WWOX: variants seen among roughly 807,000 people sequenced by gnomAD.
The protein encoded by WWOX is WW domain-containing oxidoreductase.
In WWOX, 69 loss-of-function variants were observed where a neutral mutation model predicts 46.2. That is an observed-to-expected ratio of 1.49 (90% CI 1.23 to 1.82). The LOEUF (loss-of-function observed/expected upper bound fraction) is 1.82. WWOX is among the 40% of genes most tolerant of loss of function. The pLI, the probability that WWOX is intolerant of heterozygous loss-of-function variation, is 0.00. For synonymous variants in WWOX, 359 were observed against 202.6 expected (o/e 1.77, Z -6.56); for missense variants, 919 against 542.6 (o/e 1.69, Z -6.89).
At chr16:79,195,087 C>T (rs952160647) in intron 8 of WWOX, among the ~76,000 whole-genome samples, 1 of 152,094 alleles carries the variant, frequency 6.6e-6, no homozygotes, top group African/African-American at 2.4e-5. Context: ...AAAGTGTGAG[C>T]ATACCCGTAT....
At chr16:79,031,731 GCT>G (rs373620096) in intron 8 of WWOX, among the ~76,000 whole-genome samples, 9 of 144,276 alleles carry the variant, frequency 6.2e-5, no homozygotes, top group Admixed American at 4.2e-4. Flanking sequence ...TGCTTAATAG[GCT>G]CTCTCTCTGT....
chr16:78,649,421 C>A (rs1440251998), intron 8 of WWOX, among the ~76,000 whole-genome samples: 1 of 152,016 alleles, frequency 6.6e-6, no homozygotes, highest in Non-Finnish European at 1.5e-5. Context: ...ATAGGTGGGA[C>A]TACAGGTGGG....
intron 8 of WWOX, among the ~76,000 whole-genome samples, chr16:79,037,688 C>T (rs1334464263): frequency 6.6e-6 from 1 of 152,156 alleles, no homozygotes; most frequent in African/African-American, 2.4e-5. Flanking sequence ...ATTAAATAGG[C>T]CTCACAATCG....
intron 5 of WWOX, among the ~76,000 whole-genome samples, chr16:78,236,714 A>C (rs9931632): frequency 6.6e-6 from 1 of 151,994 alleles, no homozygotes; most frequent in Non-Finnish European, 1.5e-5. Context: ...CATGTGCTGA[A>C]ATCCACAGTG....
chr16:79,188,470 C>T (rs556955440), intron 8 of WWOX, among the ~76,000 whole-genome samples: 6 of 152,294 alleles, frequency 3.9e-5, no homozygotes, highest in Non-Finnish European at 8.8e-5. Context: ...TTGAGAATGT[C>T]AGGACCAGTA....
At chr16:78,882,140 A>G (rs1484771072) in intron 8 of WWOX, among the ~76,000 whole-genome samples, 1 of 152,200 alleles carries the variant, frequency 6.6e-6, no homozygotes, top group African/African-American at 2.4e-5. Context: ...ACAAAAACAA[A>G]GAACTGACAA....
chr16:78,872,371 C>T (rs774331651), intron 8 of WWOX, among the ~76,000 whole-genome samples: 1 of 152,066 alleles, frequency 6.6e-6, no homozygotes, highest in Non-Finnish European at 1.5e-5. Flanking sequence ...ATAATTAAAG[C>T]TATTACTAAC....
intron 5 of WWOX, among the ~76,000 whole-genome samples, chr16:78,199,311 T>A (rs374612161): frequency 6.6e-6 from 1 of 150,560 alleles, no homozygotes; most frequent in South Asian, 2.1e-4. Context: ...AGACTCCATC[T>A]CAAACAAACA....
chr16:78,566,055 C>T (rs2044556798), intron 8 of WWOX, among the ~76,000 whole-genome samples: 1 of 152,152 alleles, frequency 6.6e-6, no homozygotes, highest in African/African-American at 2.4e-5. Flanking sequence ...CAAGGTGAAG[C>T]CATGGGCACA....
chr16:78,871,526 G>C (rs6564615), intron 8 of WWOX, among the ~76,000 whole-genome samples: 116,846 of 151,820 alleles, frequency 0.77, 45,251 homozygotes, highest in South Asian at 0.84. Context: ...CTCCAAGGAA[G>C]CAGTTCACGC....
intron 8 of WWOX, among the ~76,000 whole-genome samples, chr16:78,595,705 C>T (rs2045473065): frequency 6.6e-6 from 1 of 152,130 alleles, no homozygotes. Context: ...CTGGCAGAAA[C>T]CTGCACTCAG....
intron 1 of WWOX, among the ~76,000 whole-genome samples, chr16:78,106,539 C>T (rs1407004421): frequency 2.7e-5 from 4 of 149,532 alleles, no homozygotes; most frequent in South Asian, 2.1e-4. Context: ...GCCTCAGCTT[C>T]CCGAGTAGCT....
At chr16:78,807,779 C>A (rs924507886) in intron 8 of WWOX, among the ~76,000 whole-genome samples, 2 of 152,294 alleles carry the variant, frequency 1.3e-5, no homozygotes, top group Admixed American at 6.5e-5. Context: ...TTGTCTGATA[C>A]GGTAGCCATT....
intron 8 of WWOX, among the ~76,000 whole-genome samples, chr16:78,905,144 C>T (rs978895271): frequency 5.3e-5 from 8 of 152,010 alleles, no homozygotes; most frequent in African/African-American, 1.9e-4. Flanking sequence ...TGGAACTGAC[C>T]CTCTATGAGG....
intron 8 of WWOX, among the ~76,000 whole-genome samples, chr16:79,014,208 T>C (rs1269499299): frequency 6.6e-6 from 1 of 152,184 alleles, no homozygotes; most frequent in African/African-American, 2.4e-5. Flanking sequence ...TTTCAACATC[T>C]TCCCGAGATG....
chr16:78,492,514 T>G (rs1445118221), intron 8 of WWOX, among the ~76,000 whole-genome samples: 1 of 152,092 alleles, frequency 6.6e-6, no homozygotes, highest in Non-Finnish European at 1.5e-5. Flanking sequence ...TTCATCTACA[T>G]CTAGGACCAT....
At chr16:78,891,548 C>T (rs1215098447) in intron 8 of WWOX, 2 of 152,310 alleles carry the variant, frequency 1.3e-5, no homozygotes, top group East Asian at 3.9e-4. Context: ...AGGTTACTGA[C>T]TAGTTGCCTT....
intron 8 of WWOX, among the ~76,000 whole-genome samples, chr16:78,541,140 C>G (rs12445965): frequency 0.52 from 79,647 of 151,910 alleles, 24,236 homozygotes; most frequent in Admixed American, 0.67. Context: ...AAGCAATTTA[C>G]AAAATTGCAC....
chr16:78,912,058 C>G (rs970252679), intron 8 of WWOX, among the ~76,000 whole-genome samples: 5 of 152,030 alleles, frequency 3.3e-5, no homozygotes, highest in African/African-American at 4.8e-5. Context: ...GGTTCTGAGT[C>G]CAATTATGGC....
Sources: gnomAD v4.1 joint callset for allele counts (sites outside exome capture counted in the v4.1 genomes callset) on GRCh38, gnomAD v4.1.1 for gene constraint, MANE v1.5 for transcripts, NCBI Gene and HGNC (gene_info 2026-07-23, HGNC 2026-07-21) for gene names.